Variants in FRMD4B observed in about 807,000 individuals in gnomAD.
FRMD4B encodes the protein FERM domain-containing protein 4B.
A neutral mutation model predicts 141.5 loss-of-function variants in FRMD4B; 74 were observed. The ratio of observed to expected loss-of-function variants is 0.52; its 90% confidence interval spans 0.43 to 0.63. The LOEUF is 0.63. Among genes scored for constraint, FRMD4B ranks in the 30% least tolerant of loss-of-function variants. FRMD4B has a pLI of 0.00. For synonymous variants in FRMD4B, 506 were observed against 467.9 expected (o/e 1.08, Z -1.05); for missense variants, 1,366 against 1,253.4 (o/e 1.09, Z -1.36).
chr3:69,218,442 G>T, intron 9 of FRMD4B, 63 bp from the exon 10 acceptor site: 1 of 699,078 alleles, frequency 1.4e-6, no homozygotes, highest in Non-Finnish European at 2.5e-6. Context: ...TTTGGGAAAA[G>T]TGATTTAAAG....
At chr3:69,418,336 T>C (rs982186258) in intron 2 of FRMD4B, among the ~76,000 whole-genome samples, 1 of 152,172 alleles carries the variant, frequency 6.6e-6, no homozygotes, top group Non-Finnish European at 1.5e-5. Context: ...CGATGTGGTA[T>C]AGTAGGCAGA....
At chr3:69,267,624 TATATATATATATAGAGAGAGAGAGAGAG>T (rs1559765398) in intron 5 of FRMD4B, among the ~76,000 whole-genome samples, 135 of 18,368 alleles carry the variant, frequency 7.3e-3, no homozygotes, top group South Asian at 0.021. Flanking sequence ...TATATATATA[TATATATATATATAGAGAGAGAGAGAGAG>T]AGAGAGAGAG....
chr3:69,181,280 C>T lies in FRMD4B; in HGVS notation c.2470G>A (p.Val824Ile). The change falls in exon 21 of 23, where the codon GTC becomes ATC. Residue 824 changes from valine to isoleucine, a missense_variant. Transcript: ENST00000398540. ...ECDFYYSGGY[V>I]YENDTEGQYS... Reference sequence around the variant, plus strand: ...TGTCCCTCGGTGTCATTCTCATAGACATAACCACCACTGTAATAAAAGTCA... The same window carrying T: ...TGTCCCTCGGTGTCATTCTCATAGATATAACCACCACTGTAATAAAAGTCA... 2 of 1,613,908 alleles carry T rather than the reference C, an allele frequency of 1.2e-6. No individual in the cohort carries two copies. Among genetic ancestry groups the T allele is most frequent in the South Asian group, 2.2e-5 (2 of 91,080 alleles).
chr3:69,540,465 T>A (rs2107179590), intron 1 of FRMD4B, among the ~76,000 whole-genome samples: 1 of 150,094 alleles, frequency 6.7e-6, no homozygotes, highest in South Asian at 2.1e-4. Flanking sequence ...ATACAAAAAA[T>A]TAGCCAGGCG....
intron 3 of FRMD4B, 79 bp from the exon 4 acceptor site, chr3:69,302,514 G>A: frequency 1.2e-6 from 1 of 859,696 alleles, no homozygotes; most frequent in Non-Finnish European, 1.9e-6. Flanking sequence ...GCAAAGCTGT[G>A]GCGAAATAGT....
At chr3:69,311,684 C>A (rs760522247) in intron 2 of FRMD4B, among the ~76,000 whole-genome samples, 1 of 151,934 alleles carries the variant, frequency 6.6e-6, no homozygotes, top group Non-Finnish European at 1.5e-5. Context: ...GTGCTAATGC[C>A]CAAGACAAGG....
chr3:69,426,185 G>A (rs1462451432), intron 2 of FRMD4B, among the ~76,000 whole-genome samples: 3 of 152,196 alleles, frequency 2.0e-5, no homozygotes, highest in Non-Finnish European at 4.4e-5. Flanking sequence ...GGCATATGCT[G>A]GGATGTAACA....
chr3:69,431,028 G>A (rs1016855060), intron 2 of FRMD4B, among the ~76,000 whole-genome samples: 1 of 152,172 alleles, frequency 6.6e-6, no homozygotes, highest in African/African-American at 2.4e-5. Context: ...GGGAGGGAAA[G>A]AGCCAGGCTG....
At chr3:69,528,486 T>C (rs910844965) in intron 1 of FRMD4B, among the ~76,000 whole-genome samples, 2 of 152,136 alleles carry the variant, frequency 1.3e-5, no homozygotes, top group Non-Finnish European at 2.9e-5. Context: ...CACCTCAGCC[T>C]CCTGAGTAGC....
chr3:69,421,285 A>G (rs1575796695), intron 2 of FRMD4B, among the ~76,000 whole-genome samples: 2 of 152,338 alleles, frequency 1.3e-5, no homozygotes, highest in Middle Eastern at 3.4e-3. Flanking sequence ...GACTTTGCAT[A>G]AGGCACTTTG....
In FRMD4B at chr3:69,198,421, C is replaced by A. The variant is rs758071657; in HGVS notation, c.953+277G>T. On this transcript the variant is annotated intron_variant, in intron 12 of 22. Transcript: ENST00000398540. ...GGATGGCATAAACTATACATGCACA[C>A]AAAACTAAAAATAACAAGTGTCGGT... The A allele has an allele frequency of 7.7e-6, 3 of 389,546 alleles. No individual in the cohort carries two copies. In the South Asian group the frequency reaches 1.3e-4, roughly 16 times the overall value. 24.1% of individuals were successfully genotyped at this position (389,546 alleles called of 1,614,324 possible). A position where few individuals can be genotyped will look rare whatever the true frequency, so the allele number is the denominator to read the frequency against.
intron 3 of FRMD4B, among the ~76,000 whole-genome samples, chr3:69,302,654 G>A (rs1200342453): frequency 3.3e-5 from 5 of 152,132 alleles, no homozygotes; most frequent in Admixed American, 6.5e-5. Flanking sequence ...AGTACATCAA[G>A]GTAAACTTGC....
At chr3:69,302,626 A>T (rs1701253993) in intron 3 of FRMD4B, among the ~76,000 whole-genome samples, 191 bp from the exon 4 acceptor site, 1 of 152,248 alleles carries the variant, frequency 6.6e-6, no homozygotes, top group African/African-American at 2.4e-5. Flanking sequence ...CTTCTGAACC[A>T]GCATTTCCAT....
At chr3:69,261,075 C>T (rs1032717905) in intron 5 of FRMD4B, among the ~76,000 whole-genome samples, 1 of 152,156 alleles carries the variant, frequency 6.6e-6, no homozygotes, top group Non-Finnish European at 1.5e-5. Flanking sequence ...ATTTCGCAAC[C>T]TGCTTGGGTC....
At chr3:69,390,449 T>C (rs1704356639), upstream of FRMD4B, among the ~76,000 whole-genome samples, 1 of 152,172 alleles carries the variant, frequency 6.6e-6, no homozygotes, top group Non-Finnish European at 1.5e-5. Flanking sequence ...TTTTTGGTTG[T>C]CGCAACTGGG....
At chr3:69,426,223 C>T (rs1247313733) in intron 2 of FRMD4B, among the ~76,000 whole-genome samples, 1 of 152,112 alleles carries the variant, frequency 6.6e-6, no homozygotes, top group Non-Finnish European at 1.5e-5. Context: ...AGGTGTTGCA[C>T]CCATATAGTT....
At chr3:69,460,700 T>C (rs2106918493) in intron 1 of FRMD4B, among the ~76,000 whole-genome samples, 1 of 152,158 alleles carries the variant, frequency 6.6e-6, no homozygotes, top group South Asian at 2.1e-4. Flanking sequence ...CCATAGACAA[T>C]ATGGAAACAA....
Position 69,198,703 on chromosome 3 carries a change from T to C in FRMD4B, c.948A>G (p.Pro316=), listed in dbSNP as rs1462600634. The change falls in exon 12 of 23, where the codon CCA becomes CCG. Residue 316 remains proline (P), a synonymous_variant. Coordinates refer to ENST00000398540, the MANE Select transcript of FRMD4B (RefSeq NM_015123.3). ...GAAACGTCTTTGATCCTCACCTTCG[T>C]GGATCATGAACTTCAACAGCAAATT... ...EKKFAVEVHD[P]RRISVSRRTF... 2.0e-6 allele frequency: 3 copies of C among 1,516,368 alleles called. No homozygotes were observed. The highest frequency in any genetic ancestry group is 2.7e-6 in the Non-Finnish European group (3 of 1,104,088). The allele number at this position is 1,516,368 out of a possible 1,614,324, so 93.9% of individuals were successfully genotyped here.
intron 1 of FRMD4B, among the ~76,000 whole-genome samples, chr3:69,345,591 G>A (rs1457133974): frequency 6.6e-6 from 1 of 152,192 alleles, no homozygotes; most frequent in Non-Finnish European, 1.5e-5. Context: ...CCCTCAGTAG[G>A]ATCAGACTGA....
Sources: allele counts gnomAD v4.1 joint callset (sites outside exome capture counted in the v4.1 genomes callset), GRCh38; gene constraint gnomAD v4.1.1; transcripts MANE v1.5; gene names NCBI Gene and HGNC (gene_info 2026-07-23, HGNC 2026-07-21).